CDH8: variants seen among roughly 807,000 people sequenced by gnomAD.
CDH8 encodes cadherin 8.
Under a neutral mutation model 68.1 loss-of-function variants are expected in CDH8, and 17 were observed. The observed-to-expected ratio is 0.25, with a 90% CI of 0.17 to 0.37. The LOEUF (loss-of-function observed/expected upper bound fraction) is 0.37, where lower values mean the gene tolerates loss of function less well. Among genes scored for constraint, CDH8 ranks in the 10% least tolerant of loss-of-function variants. The probability of loss-of-function intolerance (pLI) is 1.00; values close to 1 mark genes in which losing one functional copy is unlikely to be tolerated. For missense variants in CDH8, 763 were observed against 999.3 expected, an observed-to-expected ratio of 0.76 and a Z score of 3.19; for synonymous variants, 372 against 365.1, an observed-to-expected ratio of 1.02 and a Z score of -0.21.
At chr16:61,753,829 T>C (rs894156990) in intron 8 of CDH8, among the ~76,000 whole-genome samples, 2 of 152,174 alleles carry the variant, frequency 1.3e-5, no homozygotes, top group South Asian at 2.1e-4. Flanking sequence ...TCTTACTTAT[T>C]TGAGTGGAGG....
At chr16:61,835,162 G>C (rs1962542370) in intron 4 of CDH8, among the ~76,000 whole-genome samples, 1 of 151,778 alleles carries the variant, frequency 6.6e-6, no homozygotes, top group Non-Finnish European at 1.5e-5. Context: ...TATATGCCCT[G>C]CCCCATTTAT....
chr16:61,729,287 T>A (rs373644293), intron 8 of CDH8, among the ~76,000 whole-genome samples: 57 of 151,340 alleles, frequency 3.8e-4, no homozygotes, highest in African/African-American at 1.2e-3. Flanking sequence ...CATGTGTATT[T>A]GTGCCTCTGT....
At chr16:61,922,163 A>T (rs1468046686) in intron 2 of CDH8, among the ~76,000 whole-genome samples, 1 of 152,216 alleles carries the variant, frequency 6.6e-6, no homozygotes, top group South Asian at 2.1e-4. Context: ...CCAATAATTT[A>T]GGACAGATTT....
chr16:61,780,787 A>G (rs968020323), intron 8 of CDH8, among the ~76,000 whole-genome samples: 2 of 152,188 alleles, frequency 1.3e-5, no homozygotes, highest in Non-Finnish European at 2.9e-5. Flanking sequence ...AGTAATTTCA[A>G]TTTTTTTAAT....
intron 8 of CDH8, among the ~76,000 whole-genome samples, chr16:61,736,231 C>T (rs1388124377): frequency 6.6e-6 from 1 of 152,060 alleles, no homozygotes; most frequent in African/African-American, 2.4e-5. Flanking sequence ...GGCCCAGAGA[C>T]CATGCCATCA....
intron 8 of CDH8, among the ~76,000 whole-genome samples, chr16:61,779,260 A>G (rs1460812316): frequency 6.6e-6 from 1 of 152,134 alleles, no homozygotes; most frequent in Non-Finnish European, 1.5e-5. Context: ...ATGCCCCTGC[A>G]GAGACTCTAT....
At chr16:61,834,264 T>C (rs1962521547) in intron 4 of CDH8, among the ~76,000 whole-genome samples, 1 of 151,786 alleles carries the variant, frequency 6.6e-6, no homozygotes, top group African/African-American at 2.4e-5. Flanking sequence ...ACTAAGTGTG[T>C]GTGTCTGGTG....
At position 61,769,603 on chromosome 16, in the gene CDH8, T is replaced by A. The variant is rs138950726; in HGVS notation, c.1414+19743A>T. On this transcript the variant is annotated intron_variant, in intron 8 of 11. Coordinates refer to ENST00000577390, the MANE Select transcript of CDH8 (RefSeq NM_001796.5). ...ATCCACATACTGAAGAGAATTATGA[T>A]GTTCAGAGGTACAATTACAATAATC... 2.0e-5 allele frequency among the ~76,000 whole-genome samples: 3 copies of A among 151,988 alleles called. No homozygotes were observed. In the East Asian group the frequency reaches 5.8e-4, roughly 29 times the overall value.
At chr16:62,013,805 TACTG>T (rs1486266727) in intron 2 of CDH8, among the ~76,000 whole-genome samples, 1 of 152,208 alleles carries the variant, frequency 6.6e-6, no homozygotes, top group Non-Finnish European at 1.5e-5. Context: ...TGTTTTTTTA[TACTG>T]ACTATCTTGT....
intron 4 of CDH8, among the ~76,000 whole-genome samples, chr16:61,852,768 C>T (rs1016290900): frequency 1.3e-5 from 2 of 151,780 alleles, no homozygotes; most frequent in Non-Finnish European, 2.9e-5. Flanking sequence ...TTAATTTGCA[C>T]TTTCTTCCTC....
intron 2 of CDH8, among the ~76,000 whole-genome samples, chr16:61,972,517 CTCT>C (rs893307622): frequency 3.3e-5 from 5 of 151,496 alleles, no homozygotes; most frequent in Admixed American, 1.3e-4. Context: ...GCATGTACCT[CTCT>C]TCTTCTCTTA....
chr16:61,882,492 G>A (rs910241430), intron 3 of CDH8, among the ~76,000 whole-genome samples: 8 of 152,166 alleles, frequency 5.3e-5, no homozygotes, highest in African/African-American at 1.4e-4. Context: ...GACACTTTGT[G>A]CCTACTTCTC....
At chr16:61,913,977 C>T (rs909024015) in intron 2 of CDH8, among the ~76,000 whole-genome samples, 2 of 152,072 alleles carry the variant, frequency 1.3e-5, no homozygotes, top group African/African-American at 2.4e-5. Context: ...GAGACAAGAC[C>T]TTTAAACAAA....
In CDH8 at chr16:61,911,023, C is replaced by T. The variant is rs149808115; in HGVS notation, c.253-9550G>A. ...TTCTTGTTTACTTAATAATTATAAG[C>T]CTAGACATGGGAAGAGGGTGGTCGA... On this transcript the variant is annotated intron_variant, in intron 2 of 11. Coordinates refer to ENST00000577390, the MANE Select transcript of CDH8 (RefSeq NM_001796.5). Among the ~76,000 whole-genome samples the T allele has an allele frequency of 2.4e-3, 368 of 152,016 alleles. 3 individuals carry two copies. The highest frequency in any genetic ancestry group is 0.022 in the South Asian group (107 of 4,818).
chr16:62,024,701 A>T (rs932661916), intron 1 of CDH8, among the ~76,000 whole-genome samples: 4 of 152,240 alleles, frequency 2.6e-5, no homozygotes, highest in African/African-American at 9.6e-5. Flanking sequence ...AATAGTATCC[A>T]CTAACACAAT....
At chr16:61,867,788 G>A (rs905177716) in intron 3 of CDH8, among the ~76,000 whole-genome samples, 5 of 152,094 alleles carry the variant, frequency 3.3e-5, no homozygotes, top group African/African-American at 4.8e-5. Context: ...TGATTCCTAA[G>A]TTGAATCATT....
chr16:61,937,732 T>G (rs1276053013), intron 2 of CDH8, among the ~76,000 whole-genome samples: 1 of 152,122 alleles, frequency 6.6e-6, no homozygotes, highest in Admixed American at 6.6e-5. Flanking sequence ...TCATCAAACC[T>G]GAGGTATAAA....
In CDH8 at chr16:61,825,145, TC is replaced by T; in HGVS notation, c.701del (p.Arg234LysfsTer31). On this transcript the variant is annotated frameshift_variant, in exon 5 of 12. Transcript: ENST00000577390. LOFTEE classifies it high-confidence loss of function. Reference sequence around the variant, plus strand: ...CAACCAGGTACTCCTCCTTGGCTTCTCTGTCCATGTTGGGAAGGGCAGTTTT... The same window carrying T: ...CAACCAGGTACTCCTCCTTGGCTTCTTGTCCATGTTGGGAAGGGCAGTTTT... The part of the protein sequence containing the change: ...IIKTALPNMD[R>X]EAKEEYLVVI... 2 of 1,611,068 alleles carry T rather than the reference TC, an allele frequency of 1.2e-6. No homozygotes were observed. Among genetic ancestry groups the T allele is most frequent in the Non-Finnish European group, 1.7e-6 (2 of 1,178,426 alleles).
At chr16:61,816,662 G>C (rs1462400894) in intron 7 of CDH8, among the ~76,000 whole-genome samples, 2 of 152,022 alleles carry the variant, frequency 1.3e-5, no homozygotes, top group African/African-American at 4.8e-5. Flanking sequence ...CAGCATAGAA[G>C]TTATAGATTT....
Sources: gnomAD v4.1 joint callset for allele counts (sites outside exome capture counted in the v4.1 genomes callset) on GRCh38, gnomAD v4.1.1 for gene constraint, MANE v1.5 for transcripts, NCBI Gene and HGNC (gene_info 2026-07-23, HGNC 2026-07-21) for gene names.